The following TRIB3 variants were observed in gnomAD, a reference collection of about 807,000 sequenced individuals.
TRIB3 encodes the protein tribbles homolog 3.
Under a neutral mutation model 16.6 loss-of-function variants are expected in TRIB3, and 20 were observed. The ratio of observed to expected loss-of-function variants is 1.20; its 90% confidence interval spans 0.85 to 1.75. TRIB3 has a LOEUF of 1.75. Ranked by LOEUF, TRIB3 falls within the 40% of genes most tolerant of loss-of-function variation. The probability of loss-of-function intolerance (pLI) is 0.00; values close to 1 mark genes in which losing one functional copy is unlikely to be tolerated. For missense variants in TRIB3, 484 were observed against 488.9 expected (o/e 0.99, Z 0.10); for synonymous variants, 208 against 217.0 (o/e 0.96, Z 0.36).
intron 2 of TRIB3, among the ~76,000 whole-genome samples, chr20:388,523 A>C (rs370523799): frequency 8.3e-4 from 126 of 152,264 alleles, no homozygotes; most frequent in African/African-American, 2.9e-3. Flanking sequence ...CAGTGTGATA[A>C]ATGCTGCAGG....
At position 380,940 on chromosome 20, in the gene TRIB3, CGGGG is replaced by C. The variant is rs2014620191; in HGVS notation, c.-228_-225del. ...TAGCTCCGGTTTGCATCACCCGGACCGGGGGATTAGCTCCGGTTTGCATCACCCG... is the reference window on the plus strand; with the variant it reads ...TAGCTCCGGTTTGCATCACCCGGACCGATTAGCTCCGGTTTGCATCACCCG... On this transcript the variant is annotated 5_prime_UTR_variant, in exon 1 of 4. An upstream open reading frame in the 5' UTR loses its in-frame stop. Coordinates refer to ENST00000217233, the MANE Select transcript of TRIB3 (RefSeq NM_021158.5). The C allele has an allele frequency of 6.7e-6, 1 of 149,706 alleles. No individual in the cohort carries two copies. The highest frequency in any genetic ancestry group is 6.6e-5 in the Admixed American group (1 of 15,100). The allele number at this position is 149,706 out of a possible 1,614,324, so 9.3% of individuals were successfully genotyped here.
At chr20:395,702 C>T (rs2015104773) in intron 3 of TRIB3, among the ~76,000 whole-genome samples, 1 of 152,124 alleles carries the variant, frequency 6.6e-6, no homozygotes, top group African/African-American at 2.4e-5. Flanking sequence ...ATGGTGTCTT[C>T]CTTGCAGGCT....
intron 2 of TRIB3, among the ~76,000 whole-genome samples, chr20:388,533 G>C (rs547555197): frequency 6.6e-6 from 1 of 152,268 alleles, no homozygotes; most frequent in African/African-American, 2.4e-5. Flanking sequence ...AATGCTGCAG[G>C]GGTAGAACTT....
In TRIB3 at chr20:396,596, A is replaced by T. The variant is rs374473490; in HGVS notation, c.983A>T (p.His328Leu). ...DPMPLAPTRS[H>L]LWEAAQVVPD... is the part of the protein sequence containing the mutation. Reference sequence around the variant, plus strand: ...ATGCCCTTAGCCCCAACCCGATCCCATCTCTGGGAGGCTGCCCAGGTGGTC... The same window carrying T: ...ATGCCCTTAGCCCCAACCCGATCCCTTCTCTGGGAGGCTGCCCAGGTGGTC... The change falls in exon 4 of 4, where the codon CAT (histidine) becomes CTT (leucine). Residue 328 changes from histidine to leucine, a missense_variant. Coordinates refer to ENST00000217233, the MANE Select transcript of TRIB3 (RefSeq NM_021158.5). The T allele has an allele frequency of 6.2e-7, 1 of 1,613,044 alleles. No individual in the cohort carries two copies. Among genetic ancestry groups the T allele is most frequent in the South Asian group, 1.1e-5 (1 of 91,082 alleles).
intron 3 of TRIB3, among the ~76,000 whole-genome samples, chr20:394,480 A>G (rs2015072320): frequency 6.6e-6 from 1 of 152,192 alleles, no homozygotes; most frequent in African/African-American, 2.4e-5. Flanking sequence ...TGGAGGAGAC[A>G]GCGTGCTTCC....
In TRIB3 at chr20:386,016, C is replaced by T. The variant is rs563569044; in HGVS notation, c.1-1995C>T. Among the ~76,000 whole-genome samples, 8 of 152,090 alleles carry T rather than the reference C, an allele frequency of 5.3e-5. No homozygotes were observed. In the South Asian group the frequency reaches 8.3e-4, roughly 16 times the overall value. On this transcript the variant is annotated intron_variant, in intron 1 of 3. Transcript: ENST00000217233. ...GGGACTACAGGCATCCACCACCACACCCAGCTAATTAAAAAAAAATTTTTT... is the reference window on the plus strand; with the variant it reads ...GGGACTACAGGCATCCACCACCACATCCAGCTAATTAAAAAAAAATTTTTT...
At position 387,550 on chromosome 20, in the gene TRIB3, T is replaced by C. The variant is rs1343118773; in HGVS notation, c.1-461T>C. Reference sequence around the variant, plus strand: ...TGAGACCAGCGTGGGCAACATCTCTTGGGGAAAAAAAAAAAAAAACCCACC... The same window carrying C: ...TGAGACCAGCGTGGGCAACATCTCTCGGGGAAAAAAAAAAAAAAACCCACC... On this transcript the variant is annotated intron_variant, in intron 1 of 3. Coordinates refer to ENST00000217233, the MANE Select transcript of TRIB3 (RefSeq NM_021158.5). 1.5e-4 allele frequency among the ~76,000 whole-genome samples: 20 copies of C among 137,470 alleles called. 1 individual carries two copies. The highest frequency in any genetic ancestry group is 3.8e-3 in the Middle Eastern group (1 of 264). 90.2% of individuals were successfully genotyped at this position (137,470 alleles called of 152,430 possible). A position where few individuals can be genotyped will look rare whatever the true frequency, so the allele number is the denominator to read the frequency against.
In TRIB3 at chr20:381,668, G is replaced by A. The variant is rs189204669; in HGVS notation, c.-1+499G>A. Among the ~76,000 whole-genome samples, 633 of 152,230 alleles carry A rather than the reference G, an allele frequency of 4.2e-3. 6 individuals carry two copies. Among genetic ancestry groups the A allele is most frequent in the African/African-American group, 0.014 (585 of 41,556 alleles). The stretch of plus-strand genomic sequence containing the variant: ...TGTGTCTCAGGAGATGGTGAGAGCT[G>A]TCTGGAGGGCTGGGCACTTGGTGGC... On this transcript the variant is annotated intron_variant, in intron 1 of 3. Transcript: ENST00000217233.
At position 391,338 on chromosome 20, in the gene TRIB3, C is replaced by T. The variant is rs1181823175; in HGVS notation, c.343C>T (p.Pro115Ser). 5.6e-6 allele frequency: 9 copies of T among 1,612,852 alleles called. No homozygotes were observed. Among genetic ancestry groups the T allele is most frequent in the South Asian group, 3.3e-5 (3 of 91,078 alleles). ...LAVLEPYARL[P>S]PHKHVARPTE... is the part of the protein sequence containing the mutation. ...CGTGCTGGAGCCCTATGCGCGGCTG[C>T]CCCCGCACAAGCATGTGGCTCGGCC... Residue 115 changes from proline to serine, a missense_variant, in exon 3 of 4, where the codon CCC (proline) becomes TCC (serine). Pro to Ser is a moderately conservative substitution (Grantham distance 74). Coordinates refer to ENST00000217233, the MANE Select transcript of TRIB3 (RefSeq NM_021158.5).
Position 388,304 on chromosome 20 carries a change from A to G in TRIB3, c.291+3A>G. ...CAGGCACTGAGTATACCTGCAAGGT[A>G]CGTGCCCATGGGCGGCTGTCCCCCA... On this transcript the variant is annotated splice_donor_region_variant and intron_variant, in intron 2 of 3. Coordinates refer to ENST00000217233, the MANE Select transcript of TRIB3 (RefSeq NM_021158.5). 6.3e-7 allele frequency: 1 copy of G among 1,596,546 alleles called. No individual in the cohort carries two copies. Among genetic ancestry groups the G allele is most frequent in the African/African-American group, 1.3e-5 (1 of 74,650 alleles).
At chr20:382,413 G>T in intron 1 of TRIB3, 1 of 981,160 alleles carries the variant, frequency 1.0e-6, no homozygotes, top group South Asian at 1.6e-5. Flanking sequence ...AGGGACTCCA[G>T]GCAGTCTCCT....
intron 1 of TRIB3, chr20:382,598 ACCATTT>A: frequency 6.5e-7 from 1 of 1,534,128 alleles, no homozygotes; most frequent in Non-Finnish European, 8.7e-7. Flanking sequence ...GCTAATAATG[ACCATTT>A]CCTGACACCT....
intron 1 of TRIB3, among the ~76,000 whole-genome samples, chr20:381,680 G>C (rs2122650887): frequency 6.6e-6 from 1 of 152,274 alleles, no homozygotes; most frequent in Admixed American, 6.5e-5. Flanking sequence ...CTGGAGGGCT[G>C]GGCACTTGGT....
chr20:383,587 T>C (rs1236974057), intron 1 of TRIB3, among the ~76,000 whole-genome samples: 1 of 152,142 alleles, frequency 6.6e-6, no homozygotes, highest in African/African-American at 2.4e-5. Flanking sequence ...GGACTACAGC[T>C]GTGTGCCATC....
chr20:396,889 C>T lies in TRIB3; in HGVS notation c.*199C>T. 2.8e-6 allele frequency: 2 copies of T among 719,202 alleles called. No homozygotes were observed. Among genetic ancestry groups the T allele is most frequent in the Non-Finnish European group, 2.2e-6 (1 of 461,270 alleles). The allele number at this position is 719,202 out of a possible 1,614,324, so 44.6% of individuals were successfully genotyped here. On this transcript the variant is annotated 3_prime_UTR_variant, in exon 4 of 4. Coordinates refer to ENST00000217233, the MANE Select transcript of TRIB3 (RefSeq NM_021158.5). ...TTCCTGCTTGGGTGCTTATCAGGTG[C>T]CAAGCCCTGTTCTCGGTGCTGGGAG...
At chr20:390,098 A>G (rs377734837) in intron 2 of TRIB3, among the ~76,000 whole-genome samples, 200 of 152,134 alleles carry the variant, frequency 1.3e-3, no homozygotes, top group African/African-American at 4.6e-3. Flanking sequence ...AGGCCGAGGT[A>G]GGCAGATCAC....
At chr20:383,256 G>A (rs901472635) in intron 1 of TRIB3, among the ~76,000 whole-genome samples, 3 of 152,060 alleles carry the variant, frequency 2.0e-5, no homozygotes, top group Non-Finnish European at 4.4e-5. Context: ...ACATTGTTCC[G>A]TTGTGTGGAT....
intron 1 of TRIB3, among the ~76,000 whole-genome samples, chr20:386,305 G>A (rs750919370): frequency 8.5e-5 from 13 of 152,140 alleles, no homozygotes; most frequent in South Asian, 2.1e-4. Context: ...GTGAATGTAC[G>A]AGAGCCATGG....
intron 1 of TRIB3, among the ~76,000 whole-genome samples, chr20:387,057 T>C (rs1053555215): frequency 6.6e-6 from 1 of 152,104 alleles, no homozygotes; most frequent in Non-Finnish European, 1.5e-5. Context: ...GGCCAGGAAA[T>C]ACATTTACAT....
Sources: allele counts gnomAD v4.1 joint callset (sites outside exome capture counted in the v4.1 genomes callset), GRCh38; gene constraint gnomAD v4.1.1; transcripts MANE v1.5; gene names NCBI Gene and HGNC (gene_info 2026-07-23, HGNC 2026-07-21).